Variants in BTF3L4 observed in about 807,000 individuals in gnomAD.
BTF3L4 encodes the protein basic transcription factor 3 like 4.
In BTF3L4, 6 loss-of-function variants were observed where a neutral mutation model predicts 16.8. The ratio of observed to expected loss-of-function variants is 0.36; its 90% CI spans 0.20 to 0.71. BTF3L4 has a LOEUF of 0.71. Ranked by LOEUF, BTF3L4 falls within the 30% of genes least tolerant of loss-of-function variation. BTF3L4 has a pLI of 0.58. For missense variants in BTF3L4, 92 were observed against 186.9 expected, an observed-to-expected ratio of 0.49 and a Z score of 2.96; for synonymous variants, 39 against 59.8, an observed-to-expected ratio of 0.65 and a Z score of 1.60.
In BTF3L4 at chr1:52,086,861, A is replaced by G. The variant is rs1201809157; in HGVS notation, c.*103A>G. ...GAACATCACCTGTTACTAGTTCAGTAATATAAATATTTTGTATATTAATAA... is the reference window on the plus strand; with the variant it reads ...GAACATCACCTGTTACTAGTTCAGTGATATAAATATTTTGTATATTAATAA... On this transcript the variant is annotated 3_prime_UTR_variant, in exon 6 of 6. Coordinates refer to ENST00000313334, the MANE Select transcript of BTF3L4 (RefSeq NM_152265.5). 3.3e-6 allele frequency: 2 copies of G among 602,856 alleles called. No individual in the cohort carries two copies. Among genetic ancestry groups the G allele is most frequent in the African/African-American group, 3.8e-5 (2 of 52,002 alleles). 37.3% of individuals were successfully genotyped at this position (602,856 alleles called of 1,614,324 possible).
chr1:52,083,665 A>G lies in BTF3L4; in HGVS notation c.370+124A>G. 6.7e-6 allele frequency: 5 copies of G among 743,016 alleles called. No homozygotes were observed. In the East Asian group the frequency reaches 1.1e-4, roughly 16 times the overall value. The allele number at this position is 743,016 out of a possible 1,614,324, so 46.0% of individuals were successfully genotyped here. A position where few individuals can be genotyped will look rare whatever the true frequency, so the allele number is the denominator to read the frequency against. On this transcript the variant is annotated intron_variant, in intron 4 of 5. Coordinates refer to ENST00000313334, the MANE Select transcript of BTF3L4 (RefSeq NM_152265.5). ...TAATTATTTTACTTTCTATAAAGTT[A>G]TTTCTATGCTTCATAAAATTTTGAG...
intron 3 of BTF3L4, among the ~76,000 whole-genome samples, chr1:52,066,697 T>C (rs1440173498): frequency 6.7e-6 from 1 of 149,688 alleles, no homozygotes; most frequent in African/African-American, 2.5e-5. Flanking sequence ...AAAAAAAAAA[T>C]TAGCCGGGCA....
chr1:52,074,874 TCTCA>T (rs1188059389), intron 3 of BTF3L4, among the ~76,000 whole-genome samples: 2 of 152,080 alleles, frequency 1.3e-5, no homozygotes, highest in Admixed American at 1.3e-4. Context: ...TGAAACAAGG[TCTCA>T]CTCTGTCACC....
intron 2 of BTF3L4, among the ~76,000 whole-genome samples, chr1:52,062,957 A>G (rs996804536): frequency 6.6e-6 from 1 of 152,148 alleles, no homozygotes; most frequent in Admixed American, 6.5e-5. Context: ...TCCTATGAGA[A>G]TCTAATGCTG....
At chr1:52,063,304 G>C (rs1686566065) in intron 2 of BTF3L4, among the ~76,000 whole-genome samples, 1 of 152,176 alleles carries the variant, frequency 6.6e-6, no homozygotes, top group African/African-American at 2.4e-5. Context: ...AAGACATATT[G>C]AATTTGAGGT....
chr1:52,073,010 A>T (rs972398928), intron 3 of BTF3L4, among the ~76,000 whole-genome samples: 3 of 151,884 alleles, frequency 2.0e-5, no homozygotes, highest in Admixed American at 6.6e-5. Flanking sequence ...GTGAGCCAAG[A>T]TCGTGCCATT....
At chr1:52,068,528 A>G (rs553747774) in intron 3 of BTF3L4, among the ~76,000 whole-genome samples, 1 of 152,326 alleles carries the variant, frequency 6.6e-6, no homozygotes, top group African/African-American at 2.4e-5. Context: ...TGCCTACCTA[A>G]GATCACGTAG....
At chr1:52,084,857 A>T (rs1643955769) in intron 4 of BTF3L4, among the ~76,000 whole-genome samples, 1 of 151,778 alleles carries the variant, frequency 6.6e-6, no homozygotes, top group Non-Finnish European at 1.5e-5. Flanking sequence ...TTAAATATTG[A>T]TTGCCCTATA....
chr1:52,084,925 G>A (rs1643956357), intron 4 of BTF3L4, among the ~76,000 whole-genome samples: 1 of 148,976 alleles, frequency 6.7e-6, no homozygotes, highest in Non-Finnish European at 1.5e-5. Flanking sequence ...AATGTGTCAT[G>A]TTGCCCCTAA....
In BTF3L4 at chr1:52,086,746, T is replaced by A. The variant is rs758049251; in HGVS notation, c.465T>A (p.Asn155Lys). The A allele has an allele frequency of 1.3e-5, 20 of 1,599,936 alleles. No homozygotes were observed. The highest frequency in any genetic ancestry group is 5.4e-5 in the African/African-American group (4 of 74,330). The change falls in exon 6 of 6, where the codon AAT (asparagine) becomes AAA (lysine). Residue 155 changes from asparagine to lysine, a missense_variant. Asn to Lys is a moderately conservative substitution (Grantham distance 94). Coordinates refer to ENST00000313334, the MANE Select transcript of BTF3L4 (RefSeq NM_152265.5). ...AAAATTTTGATGAGGCATCAAAGAA[T>A]GAAGCTAACTAAAAGTTTGGTTTTT... ...LVENFDEASK[N>K]EAN
intron 2 of BTF3L4, chr1:52,060,562 G>A (rs1285149492): frequency 8.3e-7 from 1 of 1,206,474 alleles, no homozygotes; most frequent in Non-Finnish European, 1.1e-6. Context: ...CTTCAGCTGT[G>A]GCACCAGGCT....
At chr1:52,062,815 T>A (rs1387779133) in intron 2 of BTF3L4, among the ~76,000 whole-genome samples, 1 of 152,180 alleles carries the variant, frequency 6.6e-6, no homozygotes, top group East Asian at 1.9e-4. Context: ...TGGAAGACAG[T>A]TTTTCCACGG....
intron 2 of BTF3L4, among the ~76,000 whole-genome samples, chr1:52,061,331 G>A (rs530167126): frequency 1.3e-5 from 2 of 151,826 alleles, no homozygotes; most frequent in East Asian, 3.9e-4. Context: ...TCCACTAAAA[G>A]TACAAAAATA....
chr1:52,074,184 G>T (rs113907424), intron 3 of BTF3L4, among the ~76,000 whole-genome samples: 10,389 of 151,450 alleles, frequency 0.069, 419 homozygotes, highest in African/African-American at 0.11. Context: ...TGTTTTGTTT[G>T]GTTTGGTTTT....
At chr1:52,060,907 A>G (rs891321454) in intron 2 of BTF3L4, among the ~76,000 whole-genome samples, 1 of 152,260 alleles carries the variant, frequency 6.6e-6, no homozygotes, top group Non-Finnish European at 1.5e-5. Context: ...TTCAAGAACC[A>G]TAGAATATAC....
intron 2 of BTF3L4, among the ~76,000 whole-genome samples, chr1:52,062,620 A>G (rs1686544319): frequency 6.6e-6 from 1 of 152,204 alleles, no homozygotes; most frequent in Admixed American, 6.5e-5. Flanking sequence ...GTTTTATCCT[A>G]TAGGCAGTGG....
intron 2 of BTF3L4, among the ~76,000 whole-genome samples, chr1:52,062,151 G>T (rs924213823): frequency 6.7e-6 from 1 of 148,784 alleles, no homozygotes; most frequent in Non-Finnish European, 1.5e-5. Context: ...ATGTTAGCCA[G>T]GATGGTCTTG....
intron 3 of BTF3L4, among the ~76,000 whole-genome samples, chr1:52,082,055 T>C (rs1558010415): frequency 6.6e-6 from 1 of 152,194 alleles, no homozygotes; most frequent in African/African-American, 2.4e-5. Flanking sequence ...GAGTTAACTC[T>C]TCCTAACCTT....
rs1201747305 is a variant in BTF3L4, at chr1:52,059,413, GA to G, written c.-13-415del. On this transcript the variant is annotated intron_variant, in intron 1 of 5. Transcript: ENST00000313334. ...AGAAATACAGAATGTGATTTGGGAG[GA>G]AAAAAATCTACTTGAAGATTTTGCT... Among the ~76,000 whole-genome samples, 8 of 152,062 alleles carry G rather than the reference GA, an allele frequency of 5.3e-5. No individual in the cohort carries two copies. The East Asian group carries it at 5.8e-4, about 11-fold the overall frequency.
Sources: allele counts gnomAD v4.1 joint callset (sites outside exome capture counted in the v4.1 genomes callset), GRCh38; gene constraint gnomAD v4.1.1; transcripts MANE v1.5; gene names NCBI Gene and HGNC (gene_info 2026-07-23, HGNC 2026-07-21).